Variants in C8B observed in about 807,000 individuals in gnomAD.
C8B encodes complement component C8 beta chain.
Under a neutral mutation model 64.6 loss-of-function variants are expected in C8B, and 67 were observed. The observed-to-expected ratio is 1.04, with a 90% CI of 0.85 to 1.27. C8B has a LOEUF of 1.27. Ranked by LOEUF, C8B falls within the 50% of genes most tolerant of loss-of-function variation. The probability of loss-of-function intolerance (pLI) is 0.00; values close to 1 mark genes in which losing one functional copy is unlikely to be tolerated. For missense variants in C8B, 790 were observed against 725.2 expected, an observed-to-expected ratio of 1.09 and a Z score of -1.03; for synonymous variants, 284 against 257.7, an observed-to-expected ratio of 1.10 and a Z score of -0.98.
Position 56,949,653 on chromosome 1 carries a change from A to G in C8B, c.766T>C (p.Phe256Leu), listed in dbSNP as rs1438828811. 6.2e-7 allele frequency: 1 copy of G among 1,614,096 alleles called. No individual in the cohort carries two copies. Among genetic ancestry groups the G allele is most frequent in the South Asian group, 1.1e-5 (1 of 91,072 alleles). ...AATATTCCAGGTATTTTAAAACCAAAACTGAAACCAGACTTGCTTGCCATT... is the reference window on the plus strand; with the variant it reads ...AATATTCCAGGTATTTTAAAACCAAGACTGAAACCAGACTTGCTTGCCATT... ...EKMASKSGFS[F>L]GFKIPGIFEL... The change falls in exon 6 of 12, where the codon TTT (phenylalanine) becomes CTT (leucine). Residue 256 changes from phenylalanine to leucine, a missense_variant. Phe to Leu is a conservative substitution (Grantham distance 22). Transcript: ENST00000371237.
At chr1:56,933,018 A>C (rs1644724657) in intron 10 of C8B, among the ~76,000 whole-genome samples, 1 of 152,070 alleles carries the variant, frequency 6.6e-6, no homozygotes, top group African/African-American at 2.4e-5. Context: ...AAATCTTCTT[A>C]TTATGTATTA....
In C8B at chr1:56,929,482, C is replaced by T; in HGVS notation, c.1698G>A (p.Arg566=). The T allele has an allele frequency of 6.2e-7, 1 of 1,613,542 alleles. No individual in the cohort carries two copies. Among genetic ancestry groups the T allele is most frequent in the Non-Finnish European group, 8.5e-7 (1 of 1,179,918 alleles). The part of the protein sequence containing the change: ...SCSGRRKTRQ[R]QCNNPPPQNG... ...TTTGAGGAGGTGGATTGTTACACTG[C>T]CTTTGTCTTGTCTTACGTCTTCCAG... Residue 566 remains arginine, a synonymous_variant, in exon 12 of 12, where the codon AGG becomes AGA. Coordinates refer to ENST00000371237, the MANE Select transcript of C8B (RefSeq NM_000066.4).
Position 56,929,489 on chromosome 1 carries a change from C to G in C8B, c.1691G>C (p.Arg564Thr). The G allele has an allele frequency of 6.2e-7, 1 of 1,613,752 alleles. No homozygotes were observed. ...AGGTGGATTGTTACACTGCCTTTGT[C>G]TTGTCTTACGTCTTCCAGAGCATGA... is the stretch of plus-strand genomic sequence containing the variant. The part of the protein sequence containing the change: ...WSSCSGRRKT[R>T]QRQCNNPPPQ... The change falls in exon 12 of 12, where the codon AGA becomes ACA. Residue 564 changes from arginine (R) to threonine (T), a missense_variant. Transcript: ENST00000371237.
In C8B at chr1:56,943,834, A is replaced by G; in HGVS notation, c.1106-10T>C. 2 of 1,613,912 alleles carry G rather than the reference A, an allele frequency of 1.2e-6. No homozygotes were observed. Among genetic ancestry groups the G allele is most frequent in the Non-Finnish European group, 1.7e-6 (2 of 1,179,894 alleles). On this transcript the variant is annotated splice_polypyrimidine_tract_variant and intron_variant, in intron 7 of 11. Coordinates refer to ENST00000371237, the MANE Select transcript of C8B (RefSeq NM_000066.4). ...TTGTTAAGAGTATAATCTGAAGAAA[A>G]CAAGGAAAAAGGTCCATGACGTAAA...
At chr1:56,946,158 T>C (rs746076904) in intron 6 of C8B, 97 bp from the exon 7 acceptor site, 10 of 1,420,046 alleles carry the variant, frequency 7.0e-6, no homozygotes, top group Non-Finnish European at 9.8e-6. Flanking sequence ...GTTCTTGGCC[T>C]GGGGTCATCA....
intron 2 of C8B, 124 bp from the exon 3 acceptor site, chr1:56,957,034 T>C: frequency 4.1e-6 from 4 of 978,768 alleles, no homozygotes; most frequent in Non-Finnish European, 6.4e-6. Flanking sequence ...AAATGTCTGA[T>C]CATCATTCCC....
chr1:56,929,410 G>A lies in C8B; in HGVS notation c.1770C>T (p.Cys590=), dbSNP rs143486016. Residue 590 remains cysteine, a synonymous_variant, in exon 12 of 12, where the codon TGC becomes TGT. Coordinates refer to ENST00000371237, the MANE Select transcript of C8B (RefSeq NM_000066.4). The part of the protein sequence containing the change: ...CSGPASETLD[C]S ...CCCACTGCTGTATCATCTGCTAGGA[G>A]CAGTCAAGTGTTTCTGAAGCAGGGC... is the stretch of plus-strand genomic sequence containing the variant. 56 of 1,612,152 alleles carry A rather than the reference G, an allele frequency of 3.5e-5. No individual in the cohort carries two copies. The African/African-American group carries it at 7.1e-4, about 20-fold the overall frequency.
intron 1 of C8B, 128 bp downstream of exon 1, chr1:56,965,729 T>C: frequency 1.1e-6 from 1 of 910,640 alleles, no homozygotes; most frequent in Non-Finnish European, 1.8e-6. Flanking sequence ...TGTTATCAGA[T>C]GCATGCAAAT....
intron 2 of C8B, among the ~76,000 whole-genome samples, chr1:56,958,829 C>A (rs141097405): frequency 1.3e-5 from 2 of 152,314 alleles, no homozygotes; most frequent in African/African-American, 4.8e-5. Context: ...CTCCATTGAT[C>A]CAATTAACTG....
rs773901988 is a variant in C8B at position 56,954,788 on chromosome 1, T to C, written c.431A>G (p.Asn144Ser). Residue 144 changes from asparagine (N) to serine (S), a missense_variant, in exon 4 of 12, where the codon AAT (asparagine) becomes AGT (serine). Asn to Ser is a conservative substitution (Grantham distance 46, BLOSUM62 1). Transcript: ENST00000371237. ...TTCATCTGACTGGTCTCCACAGTCA[T>C]TGTCCCCATTGCAAAGAAGTCTGCG... Reference protein sequence around the residue: ...VNRRLLCNGDNDCGDQSDEAN... With the variant: ...VNRRLLCNGDSDCGDQSDEAN... 5 of 1,614,100 alleles carry C rather than the reference T, an allele frequency of 3.1e-6. No homozygotes were observed. Among genetic ancestry groups the C allele is most frequent in the Non-Finnish European group, 4.2e-6 (5 of 1,179,962 alleles).
intron 3 of C8B, among the ~76,000 whole-genome samples, chr1:56,955,923 T>C (rs1645096520): frequency 6.6e-6 from 1 of 152,216 alleles, no homozygotes; most frequent in Non-Finnish European, 1.5e-5. Flanking sequence ...ATCTGTTTGC[T>C]TGGATTCTCT....
intron 5 of C8B, among the ~76,000 whole-genome samples, chr1:56,951,783 C>T (rs980291161): frequency 6.6e-6 from 1 of 152,204 alleles, no homozygotes; most frequent in Non-Finnish European, 1.5e-5. Flanking sequence ...CAGTGTGACT[C>T]CAAATCCTAA....
At chr1:56,937,422 G>C (rs1280672500) in intron 9 of C8B, among the ~76,000 whole-genome samples, 1 of 152,188 alleles carries the variant, frequency 6.6e-6, no homozygotes, top group South Asian at 2.1e-4. Flanking sequence ...TGTGGAGGTT[G>C]TTTCTCTGCA....
At chr1:56,960,744 A>G (rs574434231) in intron 1 of C8B, among the ~76,000 whole-genome samples, 1 of 152,300 alleles carries the variant, frequency 6.6e-6, no homozygotes, top group South Asian at 2.1e-4. Flanking sequence ...TGGATGGTGG[A>G]GGTGGGGTGC....
intron 1 of C8B, chr1:56,963,830 T>C (rs989020273): frequency 2.0e-6 from 2 of 983,016 alleles, no homozygotes; most frequent in Non-Finnish European, 2.4e-6. Flanking sequence ...AGAGTGGCAA[T>C]ACATAATAGG....
intron 6 of C8B, among the ~76,000 whole-genome samples, chr1:56,948,578 C>T (rs557841368): frequency 6.6e-6 from 1 of 152,234 alleles, no homozygotes; most frequent in East Asian, 1.9e-4. Context: ...GTGATGAAGG[C>T]TCATAGCTTG....
Position 56,954,792 on chromosome 1 carries a change from C to G in C8B, c.427G>C (p.Asp143His). The G allele has an allele frequency of 6.2e-7, 1 of 1,614,138 alleles. No individual in the cohort carries two copies. The highest frequency in any genetic ancestry group is 8.5e-7 in the Non-Finnish European group (1 of 1,179,996). Residue 143 changes from aspartate (D) to histidine (H), a missense_variant, in exon 4 of 12, where the codon GAC becomes CAC. Transcript: ENST00000371237. ...CVNRRLLCNG[D>H]NDCGDQSDEA... ...TCTGACTGGTCTCCACAGTCATTGTCCCCATTGCAAAGAAGTCTGCGGTTT... is the reference window on the plus strand; with the variant it reads ...TCTGACTGGTCTCCACAGTCATTGTGCCCATTGCAAAGAAGTCTGCGGTTT...
intron 5 of C8B, among the ~76,000 whole-genome samples, chr1:56,950,252 A>G (rs1645001431): frequency 6.6e-6 from 1 of 152,178 alleles, no homozygotes; most frequent in Non-Finnish European, 1.5e-5. Context: ...CAGGAAGATG[A>G]TGTGGGACAA....
At chr1:56,954,532 C>G (rs1289487040) in intron 4 of C8B, among the ~76,000 whole-genome samples, 154 bp downstream of exon 4, 2 of 152,178 alleles carry the variant, frequency 1.3e-5, no homozygotes, top group Admixed American at 1.3e-4. Flanking sequence ...GAACTGCCCT[C>G]AGAGAGCAAC....
Sources: allele counts gnomAD v4.1 joint callset (sites outside exome capture counted in the v4.1 genomes callset), GRCh38; gene constraint gnomAD v4.1.1; transcripts MANE v1.5; gene names NCBI Gene and HGNC (gene_info 2026-07-23, HGNC 2026-07-21).